Variants in ADAMTS3 observed in about 807,000 individuals in gnomAD.
The protein encoded by ADAMTS3 is ADAM metallopeptidase with thrombospondin type 1 motif 3, also known as A disintegrin and metalloproteinase with thrombospondin motifs 3.
ADAMTS3 carries 73 observed loss-of-function variants against 129.0 expected under a neutral mutation model. That is an observed-to-expected ratio of 0.57 (90% confidence interval 0.47 to 0.69). ADAMTS3 has a LOEUF of 0.69. Ranked by LOEUF, ADAMTS3 falls within the 30% of genes least tolerant of loss-of-function variation. The probability of loss-of-function intolerance (pLI) is 0.00; values close to 1 mark genes in which losing one functional copy is unlikely to be tolerated. For missense variants in ADAMTS3, 1,457 were observed against 1,514.5 expected (o/e 0.96, Z 0.63); for synonymous variants, 477 against 510.8 (o/e 0.93, Z 0.89).
chr4:72,293,578 GA>G (rs1317558891), intron 19 of ADAMTS3, among the ~76,000 whole-genome samples: 2 of 151,978 alleles, frequency 1.3e-5, no homozygotes, highest in African/African-American at 4.8e-5. Flanking sequence ...TTTTTTATAA[GA>G]AAAACACTAA....
intron 3 of ADAMTS3, among the ~76,000 whole-genome samples, chr4:72,479,710 A>C (rs1719369808): frequency 6.6e-6 from 1 of 152,194 alleles, no homozygotes; most frequent in Admixed American, 6.5e-5. Flanking sequence ...TCATTAAACT[A>C]AAGAGCTTCT....
At chr4:72,458,409 T>C (rs1718680780) in intron 3 of ADAMTS3, among the ~76,000 whole-genome samples, 1 of 151,086 alleles carries the variant, frequency 6.6e-6, no homozygotes, top group Non-Finnish European at 1.5e-5. Flanking sequence ...AGCAAAAAAA[T>C]GCTTAGAGTT....
At chr4:72,307,836 A>G (rs766034858) in intron 15 of ADAMTS3, among the ~76,000 whole-genome samples, 1 of 151,986 alleles carries the variant, frequency 6.6e-6, no homozygotes, top group African/African-American at 2.4e-5. Context: ...CACTATGATG[A>G]CAATATTAGT....
chr4:72,420,144 G>T (rs1722407092), intron 3 of ADAMTS3, among the ~76,000 whole-genome samples: 1 of 152,042 alleles, frequency 6.6e-6, no homozygotes, highest in Non-Finnish European at 1.5e-5. Flanking sequence ...TTCTCACCTA[G>T]ATTAATAACC....
chr4:72,546,319 A>C (rs1364029968), intron 3 of ADAMTS3, among the ~76,000 whole-genome samples: 3 of 152,154 alleles, frequency 2.0e-5, no homozygotes, highest in Non-Finnish European at 4.4e-5. Context: ...GGAGCTCAAC[A>C]GTGGTATGAA....
At chr4:72,312,987 T>C (rs1379751559) in intron 12 of ADAMTS3, among the ~76,000 whole-genome samples, 3 of 152,184 alleles carry the variant, frequency 2.0e-5, no homozygotes, top group Non-Finnish European at 4.4e-5. Flanking sequence ...TTACTTCTAA[T>C]ACCACCATCA....
chr4:72,455,740 C>A (rs1433274672), intron 3 of ADAMTS3, among the ~76,000 whole-genome samples: 1 of 142,530 alleles, frequency 7.0e-6, no homozygotes, highest in Non-Finnish European at 1.5e-5. Context: ...GTAATTTTTA[C>A]AATTTTTTTC....
intron 4 of ADAMTS3, 98 bp downstream of exon 4, chr4:72,414,717 A>T: frequency 1.0e-6 from 1 of 966,790 alleles, no homozygotes; most frequent in Non-Finnish European, 1.4e-6. Flanking sequence ...GCGTTATACA[A>T]GAGAACATGG....
intron 3 of ADAMTS3, among the ~76,000 whole-genome samples, chr4:72,451,691 T>A (rs1488764360): frequency 6.6e-6 from 1 of 151,728 alleles, no homozygotes; most frequent in African/African-American, 2.4e-5. Flanking sequence ...ACCCAATATA[T>A]CTCTGACAAG....
intron 4 of ADAMTS3, among the ~76,000 whole-genome samples, chr4:72,385,987 A>AT (rs960418427): frequency 7.2e-5 from 11 of 151,888 alleles, no homozygotes; most frequent in Non-Finnish European, 1.0e-4. Context: ...ATTTCCATGT[A>AT]TTTTTTTTAG....
At chr4:72,477,751 G>C (rs1173209439) in intron 3 of ADAMTS3, among the ~76,000 whole-genome samples, 4 of 151,950 alleles carry the variant, frequency 2.6e-5, no homozygotes, top group Non-Finnish European at 4.4e-5. Flanking sequence ...ATGAATCCAG[G>C]AGCTGGTTTT....
intron 3 of ADAMTS3, among the ~76,000 whole-genome samples, chr4:72,524,536 T>C (rs929606765): frequency 6.6e-5 from 10 of 151,862 alleles, no homozygotes; most frequent in Non-Finnish European, 8.8e-5. Context: ...GAATCATGCT[T>C]TATTATTATT....
intron 4 of ADAMTS3, among the ~76,000 whole-genome samples, chr4:72,404,437 G>A (rs1378438659): frequency 2.6e-5 from 4 of 152,038 alleles, no homozygotes; most frequent in Non-Finnish European, 5.9e-5. Context: ...ATGGTATTGG[G>A]AAAAGTGAAT....
intron 4 of ADAMTS3, among the ~76,000 whole-genome samples, chr4:72,353,674 A>G (rs1028646725): frequency 2.1e-4 from 32 of 152,022 alleles, no homozygotes; most frequent in African/African-American, 7.5e-4. Context: ...TGTATTTTCA[A>G]TCCTTCCAAA....
chr4:72,547,508 T>C (rs1721497256), intron 3 of ADAMTS3, among the ~76,000 whole-genome samples: 1 of 152,180 alleles, frequency 6.6e-6, no homozygotes, highest in Non-Finnish European at 1.5e-5. Flanking sequence ...TTTCATGCGA[T>C]CATCTCATAC....
chr4:72,526,763 T>C (rs1237053051), intron 3 of ADAMTS3, among the ~76,000 whole-genome samples: 22 of 94,782 alleles, frequency 2.3e-4, no homozygotes, highest in Non-Finnish European at 4.4e-4. Context: ...TATATATATA[T>C]ATATATATAT....
intron 3 of ADAMTS3, among the ~76,000 whole-genome samples, chr4:72,498,657 G>GCA (rs1351624902): frequency 2.7e-5 from 4 of 150,096 alleles, no homozygotes; most frequent in East Asian, 1.9e-4. Flanking sequence ...TTTCTCACAC[G>GCA]CACACACACA....
chr4:72,286,897 GAT>G (rs1159153869), intron 21 of ADAMTS3, among the ~76,000 whole-genome samples: 3 of 152,076 alleles, frequency 2.0e-5, no homozygotes, highest in Non-Finnish European at 4.4e-5. Context: ...GGAAGAGAAA[GAT>G]AGGAGGAGAA....
chr4:72,354,362 C>A (rs1478390195), intron 4 of ADAMTS3, among the ~76,000 whole-genome samples: 1 of 151,862 alleles, frequency 6.6e-6, no homozygotes, highest in Admixed American at 6.6e-5. Context: ...TCTTTCTAGA[C>A]CACTCTCTCC....
Sources: allele counts gnomAD v4.1 joint callset (sites outside exome capture counted in the v4.1 genomes callset), GRCh38; gene constraint gnomAD v4.1.1; transcripts MANE v1.5; gene names NCBI Gene and HGNC (gene_info 2026-07-23, HGNC 2026-07-21).